The following CFTR variants were observed in gnomAD, a reference collection of about 807,000 sequenced individuals.
CFTR encodes cystic fibrosis transmembrane conductance regulator.
In CFTR, 181 loss-of-function variants were observed where a neutral mutation model predicts 171.6. The ratio of observed to expected loss-of-function variants is 1.05; its 90% CI spans 0.93 to 1.19. The LOEUF is 1.19. Ranked by LOEUF, CFTR falls within the 50% of genes most tolerant of loss-of-function variation. CFTR has a pLI of 0.00. For missense variants in CFTR, 1,968 were observed against 1,734.7 expected, an observed-to-expected ratio of 1.13 and a Z score of -2.39; for synonymous variants, 583 against 608.0, an observed-to-expected ratio of 0.96 and a Z score of 0.60.
chr7:117,638,224 T>C (rs979576343), intron 22 of CFTR, among the ~76,000 whole-genome samples: 1 of 152,180 alleles, frequency 6.6e-6, no homozygotes, highest in African/African-American at 2.4e-5. Context: ...CTCTGACAGA[T>C]CTAAGAAAAG....
intron 23 of CFTR, among the ~76,000 whole-genome samples, chr7:117,651,819 A>G (rs1265377657): frequency 6.6e-6 from 1 of 152,150 alleles, no homozygotes. Flanking sequence ...GACACCATTA[A>G]TTGGGAATTG....
chr7:117,586,612 A>G (rs181719331), intron 11 of CFTR, among the ~76,000 whole-genome samples: 8 of 152,312 alleles, frequency 5.3e-5, no homozygotes, highest in Admixed American at 5.2e-4. Flanking sequence ...CAAATGAATA[A>G]CAGAAGTAAC....
At chr7:117,638,731 C>T (rs1439779530) in intron 22 of CFTR, among the ~76,000 whole-genome samples, 1 of 133,192 alleles carries the variant, frequency 7.5e-6, no homozygotes, top group Non-Finnish European at 1.6e-5. Flanking sequence ...AGCAAAACTC[C>T]ATCTCATAAA....
chr7:117,565,309 G>A (rs1001966835), intron 11 of CFTR, among the ~76,000 whole-genome samples: 7 of 152,146 alleles, frequency 4.6e-5, no homozygotes, highest in African/African-American at 1.4e-4. Context: ...TTATTAAAAG[G>A]GGGACAGAGT....
At position 117,611,825 on chromosome 7, in the gene CFTR, A is replaced by T; in HGVS notation, c.3367+17A>T. 3.2e-6 allele frequency: 5 copies of T among 1,562,370 alleles called. No homozygotes were observed. Among genetic ancestry groups the T allele is most frequent in the Non-Finnish European group, 4.4e-6 (5 of 1,134,888 alleles). On this transcript the variant is annotated intron_variant, in intron 20 of 26. Coordinates refer to ENST00000003084, the MANE Select transcript of CFTR (RefSeq NM_000492.4). ...TAACAACAGGTACTATGAACTCATT[A>T]ACTTTAGCTAAGCATTTAAGTAAAA...
At chr7:117,540,004 G>A (rs1048951787) in intron 7 of CFTR, 96 bp from the exon 8 acceptor site, 1 of 1,046,466 alleles carries the variant, frequency 9.6e-7, no homozygotes. Flanking sequence ...TAGGCAGAAA[G>A]ACTCTAGAGA....
intron 15 of CFTR, among the ~76,000 whole-genome samples, chr7:117,595,448 T>G (rs2116040786): frequency 6.6e-6 from 1 of 150,710 alleles, no homozygotes; most frequent in Middle Eastern, 3.5e-3. Flanking sequence ...GGATTGAAAT[T>G]AAACAATTAG....
At chr7:117,562,870 A>G (rs1791537751) in intron 11 of CFTR, among the ~76,000 whole-genome samples, 1 of 152,154 alleles carries the variant, frequency 6.6e-6, no homozygotes, top group Non-Finnish European at 1.5e-5. Flanking sequence ...AATTGTATGA[A>G]CAGAAACACA....
intron 23 of CFTR, among the ~76,000 whole-genome samples, chr7:117,642,998 A>C (rs1792944698): frequency 6.6e-6 from 1 of 152,168 alleles, no homozygotes; most frequent in Non-Finnish European, 1.5e-5. Flanking sequence ...TGGAATTGAA[A>C]ATAGAAAGTG....
At chr7:117,639,933 T>C (rs965432649) in intron 22 of CFTR, among the ~76,000 whole-genome samples, 2 of 152,142 alleles carry the variant, frequency 1.3e-5, no homozygotes, top group African/African-American at 4.8e-5. Context: ...ATTACAAGAG[T>C]CTTCCATCTG....
chr7:117,627,547 A>G lies in CFTR; in HGVS notation c.3494A>G (p.Lys1165Arg), dbSNP rs753508195. ...ATGCGATCTGTGAGCCGAGTCTTTA[A>G]GTTCATTGACATGCCAACAGAAGGT... ...SLMRSVSRVFKFIDMPTEGKP... is the reference protein window; with the variant it reads ...SLMRSVSRVFRFIDMPTEGKP... Residue 1165 changes from lysine (K) to arginine (R), a missense_variant, in exon 22 of 27, where the codon AAG (lysine) becomes AGG (arginine). By Grantham distance (26) the Lys-to-Arg change is conservative. Transcript: ENST00000003084. 6.2e-7 allele frequency: 1 copy of G among 1,613,188 alleles called. No homozygotes were observed. Among genetic ancestry groups the G allele is most frequent in the East Asian group, 2.2e-5 (1 of 44,844 alleles).
At chr7:117,614,113 A>G (rs1008963031) in intron 20 of CFTR, among the ~76,000 whole-genome samples, 36 of 150,472 alleles carry the variant, frequency 2.4e-4, no homozygotes, top group African/African-American at 8.6e-4. Context: ...TTACTTCCCA[A>G]TAGCATGCAA....
intron 11 of CFTR, among the ~76,000 whole-genome samples, chr7:117,568,519 T>G (rs946822164): frequency 6.0e-4 from 91 of 152,132 alleles, no homozygotes; most frequent in Non-Finnish European, 1.3e-4. Flanking sequence ...TGGTCACTAT[T>G]TGGTATAGAA....
intron 1 of CFTR, among the ~76,000 whole-genome samples, chr7:117,482,838 C>T (rs1798018848): frequency 6.6e-6 from 1 of 152,128 alleles, no homozygotes; most frequent in Non-Finnish European, 1.5e-5. Context: ...TATATCAAAC[C>T]GTGTGTCACA....
chr7:117,539,994 T>C (rs1243566753), intron 7 of CFTR, 106 bp from the exon 8 acceptor site: 5 of 951,752 alleles, frequency 5.3e-6, no homozygotes, highest in Non-Finnish European at 8.1e-6. Flanking sequence ...GTTAAAAATA[T>C]AGGCAGAAAG....
intron 11 of CFTR, among the ~76,000 whole-genome samples, chr7:117,578,966 A>G (rs983492949): frequency 8.5e-5 from 13 of 152,052 alleles, no homozygotes; most frequent in African/African-American, 3.1e-4. Flanking sequence ...TACTTCAACA[A>G]AGTTGCTATT....
chr7:117,588,776 A>C (rs1371354102), intron 12 of CFTR, among the ~76,000 whole-genome samples: 4 of 152,122 alleles, frequency 2.6e-5, no homozygotes, highest in African/African-American at 9.6e-5. Context: ...AGGCTGTTAG[A>C]TGTTAACTTG....
At chr7:117,505,052 A>G (rs146572877) in intron 2 of CFTR, among the ~76,000 whole-genome samples, 1 of 152,308 alleles carries the variant, frequency 6.6e-6, no homozygotes, top group African/African-American at 2.4e-5. Context: ...TGGTTATCAA[A>G]CAAATGTAAA....
chr7:117,497,402 G>A (rs188462029), intron 1 of CFTR, among the ~76,000 whole-genome samples: 2 of 152,292 alleles, frequency 1.3e-5, no homozygotes, highest in Admixed American at 6.5e-5. Context: ...GAAGAAGCAT[G>A]TAATAATGTA....
Sources: allele counts gnomAD v4.1 joint callset (sites outside exome capture counted in the v4.1 genomes callset), GRCh38; gene constraint gnomAD v4.1.1; transcripts MANE v1.5; gene names NCBI Gene and HGNC (gene_info 2026-07-23, HGNC 2026-07-21).